Variants in TDRD12 observed in about 807,000 individuals in gnomAD.
TDRD12 encodes the protein tudor domain containing 12, also known as putative ATP-dependent RNA helicase TDRD12.
Under a neutral mutation model 133.5 loss-of-function variants are expected in TDRD12, and 158 were observed. That is an observed-to-expected ratio of 1.18 (90% confidence interval 1.04 to 1.35). The LOEUF is 1.35. Among genes scored for constraint, TDRD12 ranks in the 40% most tolerant of loss-of-function variants. The probability of loss-of-function intolerance (pLI) is 0.00; values close to 1 mark genes in which losing one functional copy is unlikely to be tolerated. For synonymous variants in TDRD12, 460 were observed against 477.9 expected (o/e 0.96, Z 0.49); for missense variants, 1,443 against 1,321.3 (o/e 1.09, Z -1.43).
intron 24 of TDRD12, among the ~76,000 whole-genome samples, chr19:32,812,461 C>T (rs1403756852): frequency 2.0e-5 from 3 of 147,726 alleles, no homozygotes; most frequent in African/African-American, 5.0e-5. Context: ...TAAACATTAT[C>T]CAGGAAATAA....
At chr19:32,721,235 G>A (rs554616551) in intron 1 of TDRD12, among the ~76,000 whole-genome samples, 2 of 152,316 alleles carry the variant, frequency 1.3e-5, no homozygotes, top group African/African-American at 2.4e-5. Context: ...AGGGGAAAGC[G>A]TTGCTGGAGG....
chr19:32,733,207 G>A (rs1250388563), intron 2 of TDRD12, among the ~76,000 whole-genome samples: 1 of 152,050 alleles, frequency 6.6e-6, no homozygotes, highest in African/African-American at 2.4e-5. Flanking sequence ...GGTGGCCCAC[G>A]CCTGTAATCC....
intron 22 of TDRD12, among the ~76,000 whole-genome samples, chr19:32,808,817 TAAC>T (rs1168845951): frequency 2.0e-5 from 3 of 152,252 alleles, no homozygotes; most frequent in African/African-American, 7.2e-5. Flanking sequence ...TTTTCTTAGT[TAAC>T]AAACTGAAAG....
At chr19:32,769,199 C>T (rs1330401499) in intron 8 of TDRD12, among the ~76,000 whole-genome samples, 1 of 151,232 alleles carries the variant, frequency 6.6e-6, no homozygotes, top group Admixed American at 6.6e-5. Flanking sequence ...ATTTTATGTC[C>T]TATTTAAGAA....
intron 10 of TDRD12, among the ~76,000 whole-genome samples, chr19:32,775,428 T>C (rs895596419): frequency 1.3e-5 from 2 of 152,210 alleles, no homozygotes; most frequent in Non-Finnish European, 2.9e-5. Flanking sequence ...ACTCCTGGGC[T>C]TAAGCGATCC....
At chr19:32,828,404 G>C (rs1006830155) in exon 10 of TDRD12, 1 of 152,198 alleles carries the variant, frequency 6.6e-6, no homozygotes. Flanking sequence ...GGGTCACCAG[G>C]TTTAGGGGAG....
intron 1 of TDRD12, among the ~76,000 whole-genome samples, chr19:32,724,830 A>T (rs1453480565): frequency 1.3e-5 from 2 of 152,178 alleles, no homozygotes; most frequent in African/African-American, 4.8e-5. Context: ...TACTCCCACC[A>T]ACAGTATAAA....
At chr19:32,787,504 G>T (rs1970941468) in intron 11 of TDRD12, among the ~76,000 whole-genome samples, 1 of 152,204 alleles carries the variant, frequency 6.6e-6, no homozygotes, top group South Asian at 2.1e-4. Flanking sequence ...TGCTGCCTTT[G>T]GGTCAGATAT....
At chr19:32,758,066 T>G (rs1198127807) in intron 8 of TDRD12, among the ~76,000 whole-genome samples, 1 of 152,094 alleles carries the variant, frequency 6.6e-6, no homozygotes, top group Admixed American at 6.6e-5. Context: ...CGCTGGAGGC[T>G]CCCTACCCAC....
chr19:32,800,385 A>G lies in TDRD12; in HGVS notation c.1950+27A>G, dbSNP rs542044263. 375 of 1,364,864 alleles carry G rather than the reference A, an allele frequency of 2.7e-4. 1 individual carries two copies. In the South Asian group the frequency reaches 3.9e-3, roughly 14 times the overall value. 84.5% of individuals were successfully genotyped at this position (1,364,864 alleles called of 1,614,324 possible). On this transcript the variant is annotated intron_variant, in intron 17 of 27. Coordinates refer to ENST00000444215, the Ensembl canonical transcript of TDRD12. Reference sequence around the variant, plus strand: ...TAACTTTGTGTGTATGTGTATGTGTATGTGTGTGTGTGTGTGTATGTGTTG... The same window carrying G: ...TAACTTTGTGTGTATGTGTATGTGTGTGTGTGTGTGTGTGTGTATGTGTTG...
intron 4 of TDRD12, among the ~76,000 whole-genome samples, chr19:32,746,511 G>A (rs1969635111): frequency 7.8e-6 from 1 of 128,278 alleles, no homozygotes; most frequent in Admixed American, 7.9e-5. Context: ...ACTGGCTGAT[G>A]TGGTTATTCT....
intron 1 of TDRD12, among the ~76,000 whole-genome samples, chr19:32,729,778 CTTTTTTTTTTTTTT>C (rs1162347194): frequency 4.1e-5 from 3 of 73,660 alleles, no homozygotes; most frequent in Admixed American, 1.8e-4. Context: ...TTTTCTTTTT[CTTTTTTTTTTTTTT>C]TTTTTTTTTT....
intron 8 of TDRD12, among the ~76,000 whole-genome samples, chr19:32,761,162 G>A (rs935003485): frequency 6.6e-6 from 1 of 152,158 alleles, no homozygotes; most frequent in Non-Finnish European, 1.5e-5. Flanking sequence ...TGTCTCCCAG[G>A]CTGGAGTGCA....
chr19:32,789,114 C>T (rs113786673), intron 11 of TDRD12, among the ~76,000 whole-genome samples: 16,164 of 152,060 alleles, frequency 0.11, 1,063 homozygotes, highest in Middle Eastern at 0.17. Context: ...TGCAGAGGTT[C>T]CCCCCTCTGC....
At position 32,820,878 on chromosome 19, in the gene TDRD12, G is replaced by T. The variant is rs558453804; in HGVS notation, c.3384-155G>T. The T allele has an allele frequency of 1.1e-5, 7 of 608,724 alleles. No individual in the cohort carries two copies. In the Middle Eastern group the frequency reaches 1.3e-3, roughly 116 times the overall value. The allele number at this position is 608,724 out of a possible 1,614,324, so 37.7% of individuals were successfully genotyped here. On this transcript the variant is annotated intron_variant, in intron 27 of 27. Transcript: ENST00000444215. Reference sequence around the variant, plus strand: ...CATCCTTGTCGGAAGGAACAGAGTTGATGGGCTGCCTGGGGCATCTTAAAT... The same window carrying T: ...CATCCTTGTCGGAAGGAACAGAGTTTATGGGCTGCCTGGGGCATCTTAAAT...
At chr19:32,820,906 C>T (rs908617785) in intron 27 of TDRD12, 127 bp from the exon 28 acceptor site, 1 of 673,968 alleles carries the variant, frequency 1.5e-6, no homozygotes, top group Non-Finnish European at 2.5e-6. Context: ...TCTTAAATGT[C>T]ATAAGCTCTA....
At chr19:32,769,299 A>G (rs769249353) in intron 8 of TDRD12, among the ~76,000 whole-genome samples, 2 of 152,040 alleles carry the variant, frequency 1.3e-5, no homozygotes, top group African/African-American at 2.4e-5. Flanking sequence ...AAGGGTCAGG[A>G]TTTGGTTTTG....
intron 2 of TDRD12, among the ~76,000 whole-genome samples, chr19:32,737,471 C>T: frequency 6.6e-6 from 1 of 152,154 alleles, no homozygotes; most frequent in East Asian, 1.9e-4. Context: ...TCCCAAAGTG[C>T]TGGGACCACA....
intron 13 of TDRD12, among the ~76,000 whole-genome samples, chr19:32,792,635 A>C (rs1971104686): frequency 6.6e-6 from 1 of 152,202 alleles, no homozygotes; most frequent in African/African-American, 2.4e-5. Context: ...GGAAGAATGA[A>C]GGAAGATGAT....
Sources: gnomAD v4.1 joint callset for allele counts (sites outside exome capture counted in the v4.1 genomes callset) on GRCh38, gnomAD v4.1.1 for gene constraint, MANE v1.5 for transcripts, NCBI Gene and HGNC (gene_info 2026-07-23, HGNC 2026-07-21) for gene names.